DLC1: variants seen among roughly 807,000 people sequenced by gnomAD.
The protein encoded by DLC1 is rho GTPase-activating protein 7.
Under a neutral mutation model 140.3 loss-of-function variants are expected in DLC1, and 54 were observed. The ratio of observed to expected loss-of-function variants is 0.38; its 90% CI spans 0.31 to 0.48. DLC1 has a LOEUF of 0.48. Ranked by LOEUF, DLC1 falls within the 20% of genes least tolerant of loss-of-function variation. DLC1 has a pLI of 0.96. For missense variants in DLC1, 2,536 were observed against 1,907.0 expected, an observed-to-expected ratio of 1.33 and a Z score of -6.14; for synonymous variants, 986 against 728.1, an observed-to-expected ratio of 1.35 and a Z score of -5.70.
At chr8:13,582,970 C>T (rs189526139) in intron 1 of DLC1, among the ~76,000 whole-genome samples, 1 of 141,114 alleles carries the variant, frequency 7.1e-6, no homozygotes, top group Non-Finnish European at 1.5e-5. Context: ...ATTAAAAATA[C>T]TTTATTGCTG....
At chr8:13,352,713 C>G (rs1220815519) in intron 4 of DLC1, among the ~76,000 whole-genome samples, 1 of 152,118 alleles carries the variant, frequency 6.6e-6, no homozygotes, top group East Asian at 1.9e-4. Flanking sequence ...AATAGATTAA[C>G]TCAGTCATTA....
At chr8:13,354,723 T>C (rs1023178466) in intron 4 of DLC1, among the ~76,000 whole-genome samples, 1 of 151,396 alleles carries the variant, frequency 6.6e-6, no homozygotes, top group African/African-American at 2.4e-5. Context: ...AGTGGGTGGA[T>C]TGCTTGAGCA....
chr8:13,593,767 G>T (rs1333563230), intron 1 of DLC1, among the ~76,000 whole-genome samples: 5 of 152,098 alleles, frequency 3.3e-5, no homozygotes, highest in Admixed American at 2.6e-4. Flanking sequence ...ACTCAGAAGT[G>T]AAACAATGAA....
At chr8:13,261,443 G>T (rs1326963086) in intron 5 of DLC1, among the ~76,000 whole-genome samples, 1 of 152,180 alleles carries the variant, frequency 6.6e-6, no homozygotes, top group African/African-American at 2.4e-5. Context: ...ATTTTATTGT[G>T]TGAGGGAAAG....
intron 5 of DLC1, among the ~76,000 whole-genome samples, chr8:13,144,640 C>T (rs1823283901): frequency 1.3e-5 from 2 of 152,118 alleles, no homozygotes; most frequent in Non-Finnish European, 2.9e-5. Flanking sequence ...TGGTGGGTGC[C>T]TGTAGTCCCA....
At chr8:13,231,662 C>T (rs956389474) in intron 5 of DLC1, among the ~76,000 whole-genome samples, 7 of 152,166 alleles carry the variant, frequency 4.6e-5, no homozygotes, top group African/African-American at 1.7e-4. Context: ...GCAGTAGTTA[C>T]CTTGTCCACC....
chr8:13,582,143 G>T (rs1040641934), intron 1 of DLC1, among the ~76,000 whole-genome samples: 4 of 152,064 alleles, frequency 2.6e-5, no homozygotes, highest in Admixed American at 1.3e-4. Flanking sequence ...ATCAAAAAGC[G>T]CTTCTAAGCT....
intron 5 of DLC1, among the ~76,000 whole-genome samples, chr8:13,168,080 C>G (rs938810387): frequency 2.0e-5 from 3 of 152,174 alleles, no homozygotes; most frequent in African/African-American, 4.8e-5. Context: ...ATTGGCCTCT[C>G]TAAGCCACAG....
chr8:13,085,736 C>T lies in DLC1; in HGVS notation c.*75G>A. ...CTTTGTTTCAGGATTAGACACAGAA[C>T]CCATTCTTCAAGGACTGGCAAAAGT... is the stretch of plus-strand genomic sequence containing the variant. On this transcript the variant is annotated 3_prime_UTR_variant, in exon 18 of 18. Coordinates refer to ENST00000276297, the MANE Select transcript of DLC1 (RefSeq NM_182643.3). 6.3e-7 allele frequency: 1 copy of T among 1,599,836 alleles called. No individual in the cohort carries two copies. Among genetic ancestry groups the T allele is most frequent in the East Asian group, 2.2e-5 (1 of 44,686 alleles).
At chr8:13,404,692 A>G (rs1837447010) in intron 2 of DLC1, among the ~76,000 whole-genome samples, 1 of 152,082 alleles carries the variant, frequency 6.6e-6, no homozygotes, top group South Asian at 2.1e-4. Context: ...TATGAATTGT[A>G]GATGTCAAGT....
chr8:13,197,636 G>A (rs1206920269), intron 5 of DLC1, among the ~76,000 whole-genome samples: 2 of 151,996 alleles, frequency 1.3e-5, no homozygotes, highest in African/African-American at 4.8e-5. Context: ...GTGAGCCAGC[G>A]TGCCAGGCCG....
At chr8:13,193,423 G>A (rs899768108) in intron 5 of DLC1, among the ~76,000 whole-genome samples, 17 of 152,082 alleles carry the variant, frequency 1.1e-4, no homozygotes, top group African/African-American at 4.1e-4. Flanking sequence ...TCTAAAGTAG[G>A]ACTTAGTAGG....
intron 2 of DLC1, among the ~76,000 whole-genome samples, chr8:13,462,926 A>T (rs1352949180): frequency 1.3e-5 from 2 of 152,270 alleles, no homozygotes; most frequent in East Asian, 3.9e-4. Flanking sequence ...ATTGTTGCTT[A>T]TGATGATGCA....
At chr8:13,422,888 G>T (rs1227446069) in intron 2 of DLC1, among the ~76,000 whole-genome samples, 1 of 152,090 alleles carries the variant, frequency 6.6e-6, no homozygotes, top group African/African-American at 2.4e-5. Context: ...TATGGCCCAG[G>T]GTCAGCTTCA....
At chr8:13,255,960 T>C (rs1419341728) in intron 5 of DLC1, among the ~76,000 whole-genome samples, 2 of 152,160 alleles carry the variant, frequency 1.3e-5, no homozygotes. Context: ...AGTATAGTAA[T>C]GAACAAATAT....
intron 2 of DLC1, among the ~76,000 whole-genome samples, chr8:13,429,575 T>C (rs949772096): frequency 1.3e-5 from 2 of 152,204 alleles, no homozygotes; most frequent in African/African-American, 4.8e-5. Context: ...GGCATTGAGC[T>C]TCCTAGCAGT....
chr8:13,099,314 C>A (rs1818779785), intron 9 of DLC1, 33 bp downstream of exon 9: 1 of 1,588,410 alleles, frequency 6.3e-7, no homozygotes, highest in Non-Finnish European at 8.6e-7. Context: ...ACCCCCAGTG[C>A]CCCACACCCG....
At chr8:13,528,513 G>C (rs1176148330) in intron 1 of DLC1, among the ~76,000 whole-genome samples, 2 of 152,034 alleles carry the variant, frequency 1.3e-5, no homozygotes, top group Non-Finnish European at 2.9e-5. Context: ...TCCTTATGCT[G>C]GAAGGTTGAA....
intron 2 of DLC1, among the ~76,000 whole-genome samples, chr8:13,436,719 C>A (rs567193546): frequency 6.6e-6 from 1 of 152,236 alleles, no homozygotes; most frequent in East Asian, 1.9e-4. Flanking sequence ...AGATCTGGTG[C>A]CATATAAAAG....
Sources: allele counts gnomAD v4.1 joint callset (sites outside exome capture counted in the v4.1 genomes callset), GRCh38; gene constraint gnomAD v4.1.1; transcripts MANE v1.5; gene names NCBI Gene and HGNC (gene_info 2026-07-23, HGNC 2026-07-21).